Variants in ANGPT1 observed in about 807,000 individuals in gnomAD.
ANGPT1 encodes angiopoietin-1.
A neutral mutation model predicts 62.2 loss-of-function variants in ANGPT1; 17 were observed. The ratio of observed to expected loss-of-function variants is 0.27; its 90% CI spans 0.19 to 0.41. The LOEUF (loss-of-function observed/expected upper bound fraction) is 0.41. Among genes scored for constraint, ANGPT1 ranks in the 10% least tolerant of loss-of-function variants. The probability of loss-of-function intolerance (pLI) is 1.00; values close to 1 mark genes in which losing one functional copy is unlikely to be tolerated. For synonymous variants in ANGPT1, 199 were observed against 198.9 expected, an observed-to-expected ratio of 1.00 and a Z score of 0.00; for missense variants, 478 against 594.9, an observed-to-expected ratio of 0.80 and a Z score of 2.04.
At chr8:107,487,756 C>T (rs1271782880) in intron 1 of ANGPT1, among the ~76,000 whole-genome samples, 1 of 152,080 alleles carries the variant, frequency 6.6e-6, no homozygotes, top group Non-Finnish European at 1.5e-5. Context: ...AAAATACTGG[C>T]ACATGTGTAC....
At chr8:107,411,758 A>C (rs796371402) in intron 1 of ANGPT1, among the ~76,000 whole-genome samples, 9 of 152,308 alleles carry the variant, frequency 5.9e-5, no homozygotes, top group African/African-American at 2.2e-4. Context: ...GATCACTGGG[A>C]GTCCACAGCC....
chr8:107,419,489 A>G (rs902982264), intron 1 of ANGPT1, among the ~76,000 whole-genome samples: 4 of 152,118 alleles, frequency 2.6e-5, no homozygotes, highest in African/African-American at 9.7e-5. Context: ...ACATTTTTCC[A>G]TGACTTTCCA....
rs117223407 is a variant in ANGPT1 at position 107,365,431 on chromosome 8, G to C, written c.298-18334C>G. Among the ~76,000 whole-genome samples the C allele has an allele frequency of 3.9e-3, 598 of 152,248 alleles. 2 individuals carry two copies. The highest frequency in any genetic ancestry group is 7.2e-3 in the Non-Finnish European group (490 of 68,018). Reference sequence around the variant, plus strand: ...TCTTATAACTAAAAACGTCCTTGTGGATGCTTGCTTGCTATATAAAATAAT... The same window carrying C: ...TCTTATAACTAAAAACGTCCTTGTGCATGCTTGCTTGCTATATAAAATAAT... On this transcript the variant is annotated intron_variant, in intron 1 of 8. Transcript: ENST00000517746.
In ANGPT1 at chr8:107,451,316, G is replaced by GACACACACAC. The variant is rs138970014; in HGVS notation, c.297+45936_297+45945dup. ...CTTATACACTAATACATACATAACA[G>GACACACACAC]ACACACACACACACACACACACACG... is the stretch of plus-strand genomic sequence containing the variant. On this transcript the variant is annotated intron_variant, in intron 1 of 8. Transcript: ENST00000517746. Among the ~76,000 whole-genome samples the GACACACACAC allele has an allele frequency of 3.2e-4, 47 of 149,058 alleles. 1 individual carries two copies. The highest frequency in any genetic ancestry group is 3.4e-3 in the Middle Eastern group (1 of 290).
chr8:107,457,618 G>A (rs959169543), intron 1 of ANGPT1, among the ~76,000 whole-genome samples: 1 of 151,614 alleles, frequency 6.6e-6, no homozygotes, highest in South Asian at 2.1e-4. Context: ...ACAAGCACAC[G>A]TGTCAGCTCT....
At position 107,250,529 on chromosome 8, in the gene ANGPT1, A is replaced by G. The variant is rs1190536230; in HGVS notation, c.*1326T>C. 2 of 152,142 alleles carry G rather than the reference A, an allele frequency of 1.3e-5. No homozygotes were observed. The highest frequency in any genetic ancestry group is 2.9e-5 in the Non-Finnish European group (2 of 68,006). The allele number at this position is 152,142 out of a possible 1,614,324, so 9.4% of individuals were successfully genotyped here. A position where few individuals can be genotyped will look rare whatever the true frequency, so the allele number is the denominator to read the frequency against. ...ATTGCCTAAGGGAATGGACTGAAGG[A>G]GAAATATATGAAGAATGATGTATTT... On this transcript the variant is annotated 3_prime_UTR_variant, in exon 9 of 9. Transcript: ENST00000517746.
intron 1 of ANGPT1, among the ~76,000 whole-genome samples, chr8:107,420,085 T>C (rs78279794): frequency 0.031 from 4,779 of 152,284 alleles, 96 homozygotes; most frequent in Middle Eastern, 0.051. Context: ...TTACAGAAGC[T>C]TTTAGGATTT....
chr8:107,456,597 T>C (rs937438472), intron 1 of ANGPT1, among the ~76,000 whole-genome samples: 1 of 152,178 alleles, frequency 6.6e-6, no homozygotes, highest in Middle Eastern at 3.4e-3. Flanking sequence ...TACATAATAC[T>C]GAGCAAAGGG....
intron 4 of ANGPT1, among the ~76,000 whole-genome samples, chr8:107,304,448 T>TC (rs1814667392): frequency 6.6e-6 from 1 of 151,756 alleles, no homozygotes; most frequent in Non-Finnish European, 1.5e-5. Flanking sequence ...TCAATAAATA[T>TC]CTGCATTCAA....
chr8:107,316,009 C>G (rs1437106210), intron 4 of ANGPT1, among the ~76,000 whole-genome samples: 1 of 152,160 alleles, frequency 6.6e-6, no homozygotes, highest in African/African-American at 2.4e-5. Flanking sequence ...CAAACTAAAA[C>G]TCACTATTTT....
At chr8:107,334,930 A>T (rs940353538) in intron 3 of ANGPT1, among the ~76,000 whole-genome samples, 1 of 152,246 alleles carries the variant, frequency 6.6e-6, no homozygotes, top group African/African-American at 2.4e-5. Flanking sequence ...AAGGATAAAT[A>T]AATGTAACAC....
At chr8:107,469,776 C>T (rs1812297759) in intron 1 of ANGPT1, among the ~76,000 whole-genome samples, 1 of 151,974 alleles carries the variant, frequency 6.6e-6, no homozygotes, top group African/African-American at 2.4e-5. Flanking sequence ...TAAAGTTAAG[C>T]TAGATTTCTG....
intron 6 of ANGPT1, among the ~76,000 whole-genome samples, chr8:107,292,128 T>C (rs924342872): frequency 2.0e-5 from 3 of 152,164 alleles, no homozygotes; most frequent in Admixed American, 6.5e-5. Context: ...TGCTGGTCCC[T>C]GGACCACATT....
chr8:107,485,575 T>G (rs894741141), intron 1 of ANGPT1, among the ~76,000 whole-genome samples: 4 of 152,164 alleles, frequency 2.6e-5, no homozygotes, highest in African/African-American at 9.6e-5. Context: ...GTTCTTGGCT[T>G]GGGCCCAAAA....
intron 1 of ANGPT1, among the ~76,000 whole-genome samples, chr8:107,349,051 C>T (rs1337636312): frequency 5.9e-5 from 9 of 151,880 alleles, no homozygotes; most frequent in Non-Finnish European, 1.5e-5. Context: ...AGTTGATGCC[C>T]GATTTTGCCA....
intron 1 of ANGPT1, among the ~76,000 whole-genome samples, chr8:107,367,528 G>T (rs892395463): frequency 2.6e-5 from 4 of 152,012 alleles, no homozygotes; most frequent in Non-Finnish European, 5.9e-5. Flanking sequence ...TTTCACTAAA[G>T]ATTTATCTAA....
At chr8:107,378,631 G>A (rs1816575224) in intron 1 of ANGPT1, among the ~76,000 whole-genome samples, 1 of 152,054 alleles carries the variant, frequency 6.6e-6, no homozygotes, top group Non-Finnish European at 1.5e-5. Flanking sequence ...CCTGTTGGGA[G>A]GTGATTGGAT....
At position 107,448,243 on chromosome 8, in the gene ANGPT1, A is replaced by G. The variant is rs1451899338; in HGVS notation, c.297+49019T>C. On this transcript the variant is annotated intron_variant, in intron 1 of 8. Coordinates refer to ENST00000517746, the MANE Select transcript of ANGPT1 (RefSeq NM_001146.5). The stretch of plus-strand genomic sequence containing the variant: ...TCAGTGATTCTTAACTAAATTGTTC[A>G]AAGTATTTTGTAGGTAAATCTATTT... Among the ~76,000 whole-genome samples the G allele has an allele frequency of 5.3e-5, 8 of 152,346 alleles. No individual in the cohort carries two copies. In the East Asian group the frequency reaches 1.5e-3, roughly 29 times the overall value.
At chr8:107,277,566 G>A (rs968228162) in intron 7 of ANGPT1, among the ~76,000 whole-genome samples, 2 of 152,122 alleles carry the variant, frequency 1.3e-5, no homozygotes, top group Non-Finnish European at 2.9e-5. Flanking sequence ...TCCTTTGTAA[G>A]AATTTTGGAG....
Sources: gnomAD v4.1 joint callset for allele counts (sites outside exome capture counted in the v4.1 genomes callset) on GRCh38, gnomAD v4.1.1 for gene constraint, MANE v1.5 for transcripts, NCBI Gene and HGNC (gene_info 2026-07-23, HGNC 2026-07-21) for gene names.